The following KCTD21 variants were observed in gnomAD, a reference collection of about 807,000 sequenced individuals.
KCTD21 encodes the protein BTB/POZ domain-containing protein KCTD21.
Under a neutral mutation model 13.2 loss-of-function variants are expected in KCTD21, and 9 were observed. That is an observed-to-expected ratio of 0.68 (90% CI 0.41 to 1.19). The LOEUF is 1.19. KCTD21 is among the 50% of genes most tolerant of loss of function. The probability of loss-of-function intolerance (pLI) is 0.01; values close to 1 mark genes in which losing one functional copy is unlikely to be tolerated. For missense variants in KCTD21, 303 were observed against 336.5 expected (o/e 0.90, Z 0.78); for synonymous variants, 142 against 137.4 (o/e 1.03, Z -0.23).
At chr11:78,187,343 C>T in intron 1 of KCTD21, 2 of 985,372 alleles carry the variant, frequency 2.0e-6, no homozygotes, top group Non-Finnish European at 2.4e-6. Flanking sequence ...TCTAAGAAAT[C>T]CGAAGGCTGC....
rs544553521 is a variant in KCTD21, at chr11:78,187,717, G to T, written c.-30+856C>A. 9.8e-5 allele frequency: 97 copies of T among 985,442 alleles called. No homozygotes were observed. The African/African-American group carries it at 1.6e-3, about 16-fold the overall frequency. 61.0% of individuals were successfully genotyped at this position (985,442 alleles called of 1,614,324 possible). A position where few individuals can be genotyped will look rare whatever the true frequency, so the allele number is the denominator to read the frequency against. ...TTTCATCCTCACAGTACTATAGGAGGGCTGCCTTACAGGCTGTCATTCGGA... is the reference window on the plus strand; with the variant it reads ...TTTCATCCTCACAGTACTATAGGAGTGCTGCCTTACAGGCTGTCATTCGGA... On this transcript the variant is annotated intron_variant, in intron 1 of 1. Transcript: ENST00000340067.
chr11:78,186,460 G>A (rs113324832), intron 1 of KCTD21, among the ~76,000 whole-genome samples: 3,680 of 148,284 alleles, frequency 0.025, 117 homozygotes, highest in African/African-American at 0.086. Flanking sequence ...CATGGTATTC[G>A]GCATTACCTG....
intron 1 of KCTD21, among the ~76,000 whole-genome samples, chr11:78,182,459 T>C (rs1862656871): frequency 6.6e-6 from 1 of 152,176 alleles, no homozygotes; most frequent in South Asian, 2.1e-4. Flanking sequence ...CGCAATGTAT[T>C]AAACTAGATT....
At chr11:78,175,555 A>T (rs978403404) in intron 1 of KCTD21, among the ~76,000 whole-genome samples, 2 of 151,912 alleles carry the variant, frequency 1.3e-5, no homozygotes, top group African/African-American at 4.8e-5. Context: ...GAGATTTATG[A>T]CTCCAGGCTC....
chr11:78,187,848 A>G (rs1862837909), intron 1 of KCTD21: 1 of 985,278 alleles, frequency 1.0e-6, no homozygotes, highest in African/African-American at 1.7e-5. Context: ...CCCCGAGTGC[A>G]GGGAGAAAAG....
At chr11:78,179,220 G>A (rs1232693893) in intron 1 of KCTD21, among the ~76,000 whole-genome samples, 2 of 141,076 alleles carry the variant, frequency 1.4e-5, no homozygotes, top group Non-Finnish European at 3.1e-5. Context: ...TTTTTTTTTA[G>A]TAGAGACGGG....
At chr11:78,182,922 A>G (rs75783806) in intron 1 of KCTD21, among the ~76,000 whole-genome samples, 1 of 152,306 alleles carries the variant, frequency 6.6e-6, no homozygotes, top group Non-Finnish European at 1.5e-5. Flanking sequence ...TACTTCCATA[A>G]TGAAATGACT....
chr11:78,179,077 T>C (rs1862540086), intron 1 of KCTD21, among the ~76,000 whole-genome samples: 1 of 152,172 alleles, frequency 6.6e-6, no homozygotes, highest in South Asian at 2.1e-4. Flanking sequence ...CCCAGAGAAC[T>C]TTGTAACTGG....
At chr11:78,183,056 A>G (rs1189886079) in intron 1 of KCTD21, among the ~76,000 whole-genome samples, 3 of 152,132 alleles carry the variant, frequency 2.0e-5, no homozygotes, top group Non-Finnish European at 2.9e-5. Flanking sequence ...CTGCTCACTC[A>G]CAGAGCCTAG....
intron 1 of KCTD21, among the ~76,000 whole-genome samples, chr11:78,178,269 G>A: frequency 6.6e-6 from 1 of 152,014 alleles, no homozygotes; most frequent in African/African-American, 2.4e-5. Flanking sequence ...GCAATTACAG[G>A]TGCACGCCAC....
chr11:78,181,944 A>G (rs1166584163), intron 1 of KCTD21, among the ~76,000 whole-genome samples: 4 of 152,226 alleles, frequency 2.6e-5, no homozygotes, highest in African/African-American at 9.6e-5. Context: ...TTGTGTGTCT[A>G]TGAACTGGAT....
At chr11:78,187,178 T>C in intron 1 of KCTD21, 1 of 985,340 alleles carries the variant, frequency 1.0e-6, no homozygotes, top group East Asian at 1.1e-4. Flanking sequence ...GTACTGTGTT[T>C]TCCAGTAAGT....
Position 78,187,440 on chromosome 11 carries a change from GGAGA to G in KCTD21, c.-30+1129_-30+1132del, listed in dbSNP as rs781597551. The G allele has an allele frequency of 8.3e-4, 822 of 985,440 alleles. 1 individual carries two copies. Among genetic ancestry groups the G allele is most frequent in the Non-Finnish European group, 9.5e-4 (788 of 829,940 alleles). 61.0% of individuals were successfully genotyped at this position (985,440 alleles called of 1,614,324 possible). A position where few individuals can be genotyped will look rare whatever the true frequency, so the allele number is the denominator to read the frequency against. On this transcript the variant is annotated intron_variant, in intron 1 of 1. Coordinates refer to ENST00000340067, the MANE Select transcript of KCTD21 (RefSeq NM_001029859.3). ...AGAATGAGCTGCGCAAAAGGCAGGA[GGAGA>G]GAAAGGTGGGCTGGAAGAAGGAGAC...
chr11:78,180,382 T>C (rs1862579340), intron 1 of KCTD21, among the ~76,000 whole-genome samples: 1 of 152,182 alleles, frequency 6.6e-6, no homozygotes, highest in Non-Finnish European at 1.5e-5. Context: ...CACATAAAGC[T>C]GGGTGCAGTG....
chr11:78,187,665 A>C (rs747799911), intron 1 of KCTD21: 5 of 985,298 alleles, frequency 5.1e-6, no homozygotes, highest in Non-Finnish European at 3.6e-6. Flanking sequence ...AGTAATTTAT[A>C]AACACCGTGC....
chr11:78,175,073 AG>A (rs1426878250), intron 1 of KCTD21: 1 of 152,800 alleles, frequency 6.5e-6, no homozygotes, highest in African/African-American at 2.4e-5. Context: ...CTGTAATCCC[AG>A]CACTTAGGGA....
chr11:78,175,922 C>T (rs1246046471), intron 1 of KCTD21, among the ~76,000 whole-genome samples: 1 of 152,010 alleles, frequency 6.6e-6, no homozygotes, highest in African/African-American at 2.4e-5. Flanking sequence ...TGTGATGTTC[C>T]CCTTCCTGTG....
chr11:78,185,866 A>T (rs1862749375), intron 1 of KCTD21, among the ~76,000 whole-genome samples: 1 of 151,214 alleles, frequency 6.6e-6, no homozygotes, highest in Non-Finnish European at 1.5e-5. Context: ...TGCTGGGATT[A>T]CAGGCGTGAG....
chr11:78,174,595 G>A lies in KCTD21; in HGVS notation c.-29-12C>T. 1 of 1,553,932 alleles carries A rather than the reference G, an allele frequency of 6.4e-7. No individual in the cohort carries two copies. The highest frequency in any genetic ancestry group is 1.4e-5 in the African/African-American group (1 of 72,778). ...TGCTGGAAGTAGTCCTGGAGAGGGTGAGAAGTGAGAAATGACTATAACCAA... is the reference window on the plus strand; with the variant it reads ...TGCTGGAAGTAGTCCTGGAGAGGGTAAGAAGTGAGAAATGACTATAACCAA... On this transcript the variant is annotated splice_polypyrimidine_tract_variant and intron_variant, in intron 1 of 1. Transcript: ENST00000340067.
Sources: allele counts gnomAD v4.1 joint callset (sites outside exome capture counted in the v4.1 genomes callset), GRCh38; gene constraint gnomAD v4.1.1; transcripts MANE v1.5; gene names NCBI Gene and HGNC (gene_info 2026-07-23, HGNC 2026-07-21).